ITGB5: variants seen among roughly 807,000 people sequenced by gnomAD.
ITGB5 encodes the protein integrin subunit beta 5.
ITGB5 carries 38 observed loss-of-function variants against 84.8 expected under a neutral mutation model. That is an observed-to-expected ratio of 0.45 (90% confidence interval 0.35 to 0.59). The LOEUF is 0.59. Ranked by LOEUF, ITGB5 falls within the 20% of genes least tolerant of loss-of-function variation. ITGB5 has a pLI of 0.01. For missense variants in ITGB5, 905 were observed against 1,034.5 expected, an observed-to-expected ratio of 0.87 and a Z score of 1.72; for synonymous variants, 393 against 414.4, an observed-to-expected ratio of 0.95 and a Z score of 0.63.
chr3:124,806,638 C>T (rs997152073), intron 9 of ITGB5, among the ~76,000 whole-genome samples: 2 of 151,694 alleles, frequency 1.3e-5, no homozygotes, highest in Admixed American at 1.3e-4. Flanking sequence ...GGGGTTTCAC[C>T]GTGTTAGCCA....
intron 1 of ITGB5, among the ~76,000 whole-genome samples, chr3:124,882,099 C>T (rs1487609399): frequency 6.6e-6 from 1 of 152,186 alleles, no homozygotes; most frequent in Non-Finnish European, 1.5e-5. Context: ...CGGGATGCAT[C>T]GCCCTCTTCA....
chr3:124,851,630 C>CACAT (rs2065156792), intron 3 of ITGB5, among the ~76,000 whole-genome samples: 1 of 151,766 alleles, frequency 6.6e-6, no homozygotes, highest in Non-Finnish European at 1.5e-5. Flanking sequence ...CACACACACA[C>CACAT]ACACACACAC....
chr3:124,809,267 A>T, intron 8 of ITGB5, 111 bp from the exon 9 acceptor site: 1 of 1,149,404 alleles, frequency 8.7e-7, no homozygotes, highest in South Asian at 1.4e-5. Flanking sequence ...AGGAATCCCA[A>T]GCCAAAGGAA....
intron 7 of ITGB5, among the ~76,000 whole-genome samples, 180 bp from the exon 8 acceptor site, chr3:124,817,890 G>T (rs748736060): frequency 7.9e-5 from 12 of 152,108 alleles, no homozygotes; most frequent in Non-Finnish European, 1.6e-4. Context: ...CACAGAAGAA[G>T]AGTTGCTACA....
At chr3:124,837,915 G>A (rs139554520) in intron 5 of ITGB5, among the ~76,000 whole-genome samples, 58 of 152,264 alleles carry the variant, frequency 3.8e-4, no homozygotes, top group African/African-American at 1.3e-3. Context: ...CCCCTATGAC[G>A]CACAGAGCCA....
At chr3:124,770,634 A>T (rs1357686625) in intron 11 of ITGB5, among the ~76,000 whole-genome samples, 3 of 152,174 alleles carry the variant, frequency 2.0e-5, no homozygotes, top group African/African-American at 7.2e-5. Context: ...GGAGAACTTG[A>T]GGTTCTGCAG....
chr3:124,890,145 G>A (rs191525332), upstream of ITGB5, among the ~76,000 whole-genome samples: 10 of 151,874 alleles, frequency 6.6e-5, no homozygotes, highest in African/African-American at 2.4e-4. Context: ...GTGGAGTCCT[G>A]GAAACTGGGT....
intron 11 of ITGB5, chr3:124,769,846 C>T (rs1012593680): frequency 6.6e-6 from 1 of 152,210 alleles, no homozygotes; most frequent in Non-Finnish European, 1.5e-5. Flanking sequence ...CCAGGGAACC[C>T]TTGTTCTTTA....
chr3:124,881,045 G>A (rs922408227), intron 1 of ITGB5, among the ~76,000 whole-genome samples: 1 of 152,066 alleles, frequency 6.6e-6, no homozygotes, highest in Non-Finnish European at 1.5e-5. Flanking sequence ...GTACGGTGGT[G>A]TGATCTCAGC....
intron 9 of ITGB5, among the ~76,000 whole-genome samples, chr3:124,802,741 T>C (rs1335481351): frequency 6.6e-6 from 1 of 152,252 alleles, no homozygotes; most frequent in Non-Finnish European, 1.5e-5. Context: ...GAGAGCTGCC[T>C]CTCCTGGCCT....
At chr3:124,809,778 A>G (rs1445717943) in intron 8 of ITGB5, among the ~76,000 whole-genome samples, 2 of 152,230 alleles carry the variant, frequency 1.3e-5, no homozygotes, top group African/African-American at 4.8e-5. Context: ...AGTGAATCAA[A>G]CAAAAATCAA....
At chr3:124,773,548 A>C in intron 11 of ITGB5, 142 bp downstream of exon 11, 2 of 676,212 alleles carry the variant, frequency 3.0e-6, no homozygotes, top group Non-Finnish European at 5.2e-6. Flanking sequence ...GGTTGGTAAG[A>C]ATGCGGCTCC....
In ITGB5 at chr3:124,821,397, A is replaced by T; in HGVS notation, c.858T>A (p.Asp286Glu). The T allele has an allele frequency of 6.2e-7, 1 of 1,614,162 alleles. No individual in the cohort carries two copies. The highest frequency in any genetic ancestry group is 8.5e-7 in the Non-Finnish European group (1 of 1,180,024). ...GCTGCACCAGGCCTCCCAATTTTCC[A>T]TCCAATGCGATGTGGGGCACATCAT... ...TTDDVPHIALDGKLGGLVQPH... is the reference protein window; with the variant it reads ...TTDDVPHIALEGKLGGLVQPH... Residue 286 changes from aspartate (D) to glutamate (E), a missense_variant, in exon 6 of 15, where the codon GAT (aspartate) becomes GAA (glutamate). Transcript: ENST00000296181.
chr3:124,868,618 C>CAAAAA (rs67873873), intron 2 of ITGB5, among the ~76,000 whole-genome samples: 4 of 68,152 alleles, frequency 5.9e-5, no homozygotes, highest in Non-Finnish European at 7.7e-5. Context: ...TGTTCTCTAC[C>CAAAAA]AAAAAAAAAA....
chr3:124,851,085 T>C (rs893725455), intron 3 of ITGB5, among the ~76,000 whole-genome samples: 159 of 152,312 alleles, frequency 1.0e-3, no homozygotes, highest in Non-Finnish European at 1.6e-4. Context: ...TTACGAATTA[T>C]AAGAAATTAA....
intron 10 of ITGB5, among the ~76,000 whole-genome samples, chr3:124,783,673 A>G (rs1240464527): frequency 6.6e-6 from 1 of 152,234 alleles, no homozygotes; most frequent in Non-Finnish European, 1.5e-5. Context: ...GATTCTTGAG[A>G]TATTTCAGAT....
In ITGB5 at chr3:124,850,550, G is replaced by C. The variant is rs188041162; in HGVS notation, c.362-1992C>G. 1.6e-3 allele frequency among the ~76,000 whole-genome samples: 175 copies of C among 106,062 alleles called. 4 individuals are homozygous for C. The South Asian group carries it at 0.024, about 15-fold the overall frequency. 69.6% of individuals were successfully genotyped at this position (106,062 alleles called of 152,430 possible). The stretch of plus-strand genomic sequence containing the variant: ...GCCTATTTTTTAAAACCATGGGGTG[G>C]GGGGAGGGGGGAGGGATAGCATTGG... On this transcript the variant is annotated intron_variant, in intron 3 of 14. Transcript: ENST00000296181.
chr3:124,836,841 GTTTGC>G (rs920026771), intron 5 of ITGB5, among the ~76,000 whole-genome samples: 3 of 152,248 alleles, frequency 2.0e-5, no homozygotes, highest in Admixed American at 6.5e-5. Context: ...AATTTACCTT[GTTTGC>G]TTTAAGACTT....
At chr3:124,763,775 C>A in intron 14 of ITGB5, 57 bp from the exon 15 acceptor site, 2 of 1,028,700 alleles carry the variant, frequency 1.9e-6, no homozygotes, top group South Asian at 2.7e-5. Flanking sequence ...ACACTCAAAC[C>A]GACAGACGCA....
Sources: gnomAD v4.1 joint callset for allele counts (sites outside exome capture counted in the v4.1 genomes callset) on GRCh38, gnomAD v4.1.1 for gene constraint, MANE v1.5 for transcripts, NCBI Gene and HGNC (gene_info 2026-07-23, HGNC 2026-07-21) for gene names.